Variants in BRINP3 observed in about 807,000 individuals in gnomAD.
BRINP3 encodes the protein BMP/retinoic acid-inducible neural-specific protein 3.
BRINP3 carries 19 observed loss-of-function variants against 71.0 expected under a neutral mutation model. The ratio of observed to expected loss-of-function variants is 0.27; its 90% CI spans 0.19 to 0.39. The LOEUF is 0.39. Among genes scored for constraint, BRINP3 ranks in the 10% least tolerant of loss-of-function variants. The pLI is 1.00. For synonymous variants in BRINP3, 380 were observed against 337.7 expected (o/e 1.13, Z -1.37); for missense variants, 959 against 940.8 (o/e 1.02, Z -0.25).
intron 2 of BRINP3, among the ~76,000 whole-genome samples, chr1:190,414,238 T>C (rs1191783037): frequency 6.6e-6 from 1 of 152,194 alleles, no homozygotes; most frequent in East Asian, 1.9e-4. Flanking sequence ...GTCAGAGTTT[T>C]CTGAGGGTAT....
intron 2 of BRINP3, among the ~76,000 whole-genome samples, chr1:190,403,167 C>A (rs1672043920): frequency 6.6e-6 from 1 of 152,054 alleles, no homozygotes; most frequent in Non-Finnish European, 1.5e-5. Context: ...TCTTCTGAAC[C>A]AACGAATACA....
intron 2 of BRINP3, among the ~76,000 whole-genome samples, chr1:190,288,879 G>T (rs1663637595): frequency 6.6e-6 from 1 of 151,856 alleles, no homozygotes; most frequent in Non-Finnish European, 1.5e-5. Context: ...TAAGTTTAAT[G>T]CTCATAAAGA....
intron 4 of BRINP3, among the ~76,000 whole-genome samples, chr1:190,236,198 C>T (rs1364171924): frequency 6.6e-6 from 1 of 151,922 alleles, no homozygotes; most frequent in Non-Finnish European, 1.5e-5. Flanking sequence ...TTATGAAACA[C>T]TGCAAGTGTT....
At chr1:190,412,443 TTTG>T (rs1303942388) in intron 2 of BRINP3, among the ~76,000 whole-genome samples, 1 of 134,598 alleles carries the variant, frequency 7.4e-6, no homozygotes, top group East Asian at 2.1e-4. Context: ...TAGTACTTTT[TTTG>T]TTTTGTTTTG....
chr1:190,335,827 G>A (rs1404590212), intron 2 of BRINP3, among the ~76,000 whole-genome samples: 1 of 151,930 alleles, frequency 6.6e-6, no homozygotes, highest in Non-Finnish European at 1.5e-5. Flanking sequence ...TACATTGCCA[G>A]TTAAAGATTT....
intron 2 of BRINP3, among the ~76,000 whole-genome samples, chr1:190,310,084 C>T (rs1665409059): frequency 6.8e-6 from 1 of 148,012 alleles, no homozygotes; most frequent in African/African-American, 2.5e-5. Flanking sequence ...TATATGGACT[C>T]ACCTCTTTTG....
chr1:190,467,868 A>G (rs1214039712), intron 1 of BRINP3, among the ~76,000 whole-genome samples: 4 of 151,596 alleles, frequency 2.6e-5, no homozygotes, highest in Admixed American at 2.6e-4. Flanking sequence ...CAGTCTTTAC[A>G]TAAAAAAGAA....
chr1:190,260,478 A>C (rs1409783448), intron 4 of BRINP3, among the ~76,000 whole-genome samples: 1 of 152,032 alleles, frequency 6.6e-6, no homozygotes, highest in African/African-American at 2.4e-5. Flanking sequence ...AAAATATAAA[A>C]TGTGCAACAA....
chr1:190,180,104 T>G (rs984982083), intron 6 of BRINP3, among the ~76,000 whole-genome samples: 1 of 152,120 alleles, frequency 6.6e-6, no homozygotes, highest in African/African-American at 2.4e-5. Context: ...CAACATGCCT[T>G]TGACCTGGGG....
At chr1:190,183,940 T>A (rs989114527) in intron 6 of BRINP3, among the ~76,000 whole-genome samples, 1 of 152,162 alleles carries the variant, frequency 6.6e-6, no homozygotes. Flanking sequence ...GTTGTCTATC[T>A]TGCTAGGTTG....
chr1:190,205,888 A>C (rs2102630603), intron 6 of BRINP3, among the ~76,000 whole-genome samples: 1 of 152,206 alleles, frequency 6.6e-6, no homozygotes, highest in East Asian at 1.9e-4. Context: ...CACATGCTTT[A>C]AGAACAAATA....
rs147701238 is a variant in BRINP3, at chr1:190,220,948, G to A, written c.961+5134C>T. Among the ~76,000 whole-genome samples, 833 of 152,250 alleles carry A rather than the reference G, an allele frequency of 5.5e-3. 6 individuals are homozygous for A. Among genetic ancestry groups the A allele is most frequent in the African/African-American group, 0.018 (760 of 41,560 alleles). On this transcript the variant is annotated intron_variant, in intron 6 of 7. Coordinates refer to ENST00000367462, the MANE Select transcript of BRINP3 (RefSeq NM_199051.3). Reference sequence around the variant, plus strand: ...CATATGAAGCCCAAAAGTAAAATCTGTCAAAAACAGTAATAGCTATAGCAA... The same window carrying A: ...CATATGAAGCCCAAAAGTAAAATCTATCAAAAACAGTAATAGCTATAGCAA...
chr1:190,332,696 A>G (rs551435078), intron 2 of BRINP3, among the ~76,000 whole-genome samples: 4 of 152,116 alleles, frequency 2.6e-5, no homozygotes, highest in Admixed American at 6.6e-5. Context: ...ACATTTCTAC[A>G]TATGTCCAAG....
At chr1:190,367,484 T>TG (rs1301481696) in intron 2 of BRINP3, among the ~76,000 whole-genome samples, 1 of 152,236 alleles carries the variant, frequency 6.6e-6, no homozygotes, top group Non-Finnish European at 1.5e-5. Flanking sequence ...TGACATGCCC[T>TG]GGGGACATTT....
At chr1:190,230,631 T>C (rs1657881880) in intron 5 of BRINP3, among the ~76,000 whole-genome samples, 1 of 151,866 alleles carries the variant, frequency 6.6e-6, no homozygotes, top group Admixed American at 6.6e-5. Context: ...GAACAAGATA[T>C]ACAAATATAA....
At chr1:190,171,801 T>C (rs1652033448) in intron 6 of BRINP3, among the ~76,000 whole-genome samples, 1 of 152,164 alleles carries the variant, frequency 6.6e-6, no homozygotes, top group South Asian at 2.1e-4. Context: ...AGCTGTAATC[T>C]GATTTTTAAA....
chr1:190,441,039 T>C (rs1433899776), intron 2 of BRINP3, among the ~76,000 whole-genome samples: 1 of 151,996 alleles, frequency 6.6e-6, no homozygotes, highest in East Asian at 1.9e-4. Flanking sequence ...TAGATGGGAC[T>C]GCTAAACTAA....
intron 2 of BRINP3, among the ~76,000 whole-genome samples, chr1:190,309,481 AT>A (rs1665366978): frequency 6.6e-6 from 1 of 151,876 alleles, no homozygotes; most frequent in African/African-American, 2.4e-5. Flanking sequence ...AATTTTTTAA[AT>A]TTAAAAACAT....
chr1:190,241,473 C>T (rs1390796893), intron 4 of BRINP3, among the ~76,000 whole-genome samples: 1 of 152,128 alleles, frequency 6.6e-6, no homozygotes, highest in South Asian at 2.1e-4. Context: ...AATTCTCTCT[C>T]TCTCTCTCTC....
Sources: gnomAD v4.1 joint callset for allele counts (sites outside exome capture counted in the v4.1 genomes callset) on GRCh38, gnomAD v4.1.1 for gene constraint, MANE v1.5 for transcripts, NCBI Gene and HGNC (gene_info 2026-07-23, HGNC 2026-07-21) for gene names.